CREB5: variants seen among roughly 807,000 people sequenced by gnomAD.
CREB5 encodes cAMP responsive element binding protein 5.
Under a neutral mutation model 57.1 loss-of-function variants are expected in CREB5, and 19 were observed. That is an observed-to-expected ratio of 0.33 (90% CI 0.23 to 0.49). The LOEUF (loss-of-function observed/expected upper bound fraction) is 0.49. CREB5 is among the 20% of genes least tolerant of loss of function. The pLI is 0.99. For missense variants in CREB5, 579 were observed against 671.6 expected, an observed-to-expected ratio of 0.86 and a Z score of 1.52; for synonymous variants, 238 against 238.3, an observed-to-expected ratio of 1.00 and a Z score of 0.01.
chr7:28,645,524 T>A (rs1002894467), intron 5 of CREB5, among the ~76,000 whole-genome samples: 2 of 152,224 alleles, frequency 1.3e-5, no homozygotes, highest in African/African-American at 2.4e-5. Context: ...CCTGAGCTGA[T>A]GTTAATTATA....
intron 4 of CREB5, among the ~76,000 whole-genome samples, chr7:28,512,655 G>GT (rs5883143): frequency 0.27 from 40,784 of 152,016 alleles, 6,876 homozygotes; most frequent in Non-Finnish European, 0.36. Context: ...AACTGTGTGT[G>GT]TGTGTGTGTG....
intron 4 of CREB5, among the ~76,000 whole-genome samples, chr7:28,518,789 T>TC (rs35967629): frequency 6.6e-6 from 1 of 152,080 alleles, no homozygotes; most frequent in South Asian, 2.1e-4. Flanking sequence ...CGATCCACAC[T>TC]CCCCCCATGT....
At chr7:28,522,717 G>A (rs1157249440) in intron 4 of CREB5, among the ~76,000 whole-genome samples, 1 of 152,138 alleles carries the variant, frequency 6.6e-6, no homozygotes, top group Non-Finnish European at 1.5e-5. Flanking sequence ...TCTTTTAAAA[G>A]TCCTTCGTAA....
rs542097885 is a variant in CREB5 at position 28,786,289 on chromosome 7, C to G, written c.703-17910C>G. ...AGAGATGGAGTCTCGCTCTGTTACC[C>G]AGGCTGGAGCGCAGTGACACAATCT... On this transcript the variant is annotated intron_variant, in intron 7 of 10. Coordinates refer to ENST00000357727, the MANE Select transcript of CREB5 (RefSeq NM_182898.4). 4.6e-5 allele frequency among the ~76,000 whole-genome samples: 7 copies of G among 152,304 alleles called. No homozygotes were observed. In the South Asian group the frequency reaches 1.5e-3, roughly 32 times the overall value.
intron 1 of CREB5, among the ~76,000 whole-genome samples, chr7:28,327,178 A>G (rs925203255): frequency 6.7e-6 from 1 of 148,272 alleles, no homozygotes; most frequent in Admixed American, 6.7e-5. Flanking sequence ...AGGAAACCGT[A>G]TTTAGTAGAT....
chr7:28,343,296 C>T (rs1047684936), intron 1 of CREB5, among the ~76,000 whole-genome samples: 13 of 152,086 alleles, frequency 8.5e-5, no homozygotes, highest in African/African-American at 2.7e-4. Flanking sequence ...AATAGAATAC[C>T]GGAACTTATT....
At chr7:28,614,780 T>C (rs1017401129) in intron 5 of CREB5, among the ~76,000 whole-genome samples, 2 of 152,174 alleles carry the variant, frequency 1.3e-5, no homozygotes, top group Non-Finnish European at 2.9e-5. Context: ...TCCCATGAAC[T>C]CCATCACCCA....
intron 2 of CREB5, 77 bp downstream of exon 2, chr7:28,488,323 A>G (rs919145840): frequency 7.4e-7 from 1 of 1,343,668 alleles, no homozygotes; most frequent in African/African-American, 1.4e-5. Flanking sequence ...CCCGGCAATC[A>G]TGCCTGCCCT....
chr7:28,372,777 G>A (rs990647087), intron 1 of CREB5, among the ~76,000 whole-genome samples: 2 of 152,290 alleles, frequency 1.3e-5, no homozygotes. Flanking sequence ...CTTATAAAGT[G>A]CTCTTTGTGG....
At chr7:28,700,437 G>A (rs67793812) in intron 5 of CREB5, among the ~76,000 whole-genome samples, 7,168 of 152,224 alleles carry the variant, frequency 0.047, 327 homozygotes, top group African/African-American at 0.11. Flanking sequence ...CTGCAGGGCA[G>A]CAATGATCTT....
At chr7:28,675,305 T>C (rs1401232954) in intron 5 of CREB5, among the ~76,000 whole-genome samples, 1 of 152,204 alleles carries the variant, frequency 6.6e-6, no homozygotes, top group Non-Finnish European at 1.5e-5. Flanking sequence ...TTTGTTTTGT[T>C]TCCTTCTGTG....
At chr7:28,330,927 C>T (rs1263386629) in intron 1 of CREB5, among the ~76,000 whole-genome samples, 1 of 152,132 alleles carries the variant, frequency 6.6e-6, no homozygotes, top group African/African-American at 2.4e-5. Context: ...ACACTTATCT[C>T]ATGAAAATCC....
Position 28,366,051 on chromosome 7 carries a change from G to A in CREB5, c.-25+66610G>A, listed in dbSNP as rs74555964. Among the ~76,000 whole-genome samples, 910 of 152,122 alleles carry A rather than the reference G, an allele frequency of 6.0e-3. 2 individuals carry two copies. The highest frequency in any genetic ancestry group is 0.02 in the Middle Eastern group (6 of 294). ...CCATAGAAATTTGATACCATAATTC[G>A]TGTAGAAAATACACAGCCTTCTTTA... On this transcript the variant is annotated intron_variant, in intron 1 of 9. Transcript: ENST00000396299.
At chr7:28,445,323 G>C (rs1156490749) in intron 1 of CREB5, among the ~76,000 whole-genome samples, 4 of 152,142 alleles carry the variant, frequency 2.6e-5, no homozygotes, top group Non-Finnish European at 5.9e-5. Flanking sequence ...CTCCTTGAAA[G>C]CAGTTATTTT....
At chr7:28,514,836 G>A (rs1792877819) in intron 4 of CREB5, among the ~76,000 whole-genome samples, 1 of 152,250 alleles carries the variant, frequency 6.6e-6, no homozygotes, top group Admixed American at 6.5e-5. Context: ...TTCATGTCAT[G>A]CCTGTGGCGG....
At chr7:28,772,882 G>A (rs1014647288) in intron 7 of CREB5, among the ~76,000 whole-genome samples, 2 of 152,088 alleles carry the variant, frequency 1.3e-5, no homozygotes, top group Non-Finnish European at 1.5e-5. Context: ...TGACACTTGT[G>A]CACCAGCTCT....
chr7:28,522,552 T>A (rs369381522), intron 4 of CREB5, among the ~76,000 whole-genome samples: 9 of 151,978 alleles, frequency 5.9e-5, no homozygotes, highest in African/African-American at 2.2e-4. Flanking sequence ...TGTGCCACCA[T>A]GCCCGGCTAA....
At chr7:28,352,285 A>T (rs575721506) in intron 1 of CREB5, among the ~76,000 whole-genome samples, 2 of 152,292 alleles carry the variant, frequency 1.3e-5, no homozygotes, top group East Asian at 3.9e-4. Flanking sequence ...CTTCCTTGGC[A>T]TGGAAGAGTC....
rs199561235 is a variant in CREB5 at position 28,306,541 on chromosome 7, G to GTTTTTTTTTTTTT, written c.-25+7104_-25+7105insTTTTTTTTTTTTT. ...ACTGGTGCCAGTACATACAGATACA[G>GTTTTTTTTTTTTT]TTTTGTTTTTTTTGTTTTTTTTTTT... On this transcript the variant is annotated intron_variant, in intron 1 of 9. Coordinates refer to the CREB5 transcript ENST00000396299. Among the ~76,000 whole-genome samples the GTTTTTTTTTTTTT allele has an allele frequency of 5.6e-4, 25 of 44,450 alleles. 5 individuals are homozygous for GTTTTTTTTTTTTT. The highest frequency in any genetic ancestry group is 1.5e-3 in the African/African-American group (20 of 12,922). 29.2% of individuals were successfully genotyped at this position (44,450 alleles called of 152,430 possible). A position where few individuals can be genotyped will look rare whatever the true frequency, so the allele number is the denominator to read the frequency against.
Sources: gnomAD v4.1 joint callset for allele counts (sites outside exome capture counted in the v4.1 genomes callset) on GRCh38, gnomAD v4.1.1 for gene constraint, MANE v1.5 for transcripts, NCBI Gene and HGNC (gene_info 2026-07-23, HGNC 2026-07-21) for gene names.